Variants in AFF4 observed in about 807,000 individuals in gnomAD.
The protein encoded by AFF4 is AF4/FMR2 family member 4.
Under a neutral mutation model 124.8 loss-of-function variants are expected in AFF4, and 13 were observed. That is an observed-to-expected ratio of 0.10 (90% CI 0.07 to 0.17). AFF4 has a LOEUF of 0.17. AFF4 is among the 10% of genes least tolerant of loss of function. The pLI, the probability that AFF4 is intolerant of heterozygous loss-of-function variation, is 1.00. For missense variants in AFF4, 1,092 were observed against 1,403.8 expected (o/e 0.78, Z 3.55); for synonymous variants, 477 against 496.1 (o/e 0.96, Z 0.51).
chr5:132,947,778 C>T (rs2150108446), intron 1 of AFF4, among the ~76,000 whole-genome samples: 1 of 152,256 alleles, frequency 6.6e-6, no homozygotes, highest in East Asian at 1.9e-4. Flanking sequence ...TCACTTCCTA[C>T]AAGTCAGGGA....
intron 13 of AFF4, among the ~76,000 whole-genome samples, chr5:132,891,147 G>A (rs1386671053): frequency 6.6e-6 from 1 of 151,974 alleles, no homozygotes. Context: ...ATGGAGAACT[G>A]GAGCAATAAA....
At chr5:132,900,541 C>A (rs1459254751) in intron 7 of AFF4, among the ~76,000 whole-genome samples, 1 of 152,066 alleles carries the variant, frequency 6.6e-6, no homozygotes, top group Non-Finnish European at 1.5e-5. Flanking sequence ...GCCTAGGCGA[C>A]AGAGCGAGAC....
intron 5 of AFF4, among the ~76,000 whole-genome samples, chr5:132,919,342 G>A (rs974821303): frequency 6.6e-6 from 1 of 152,146 alleles, no homozygotes; most frequent in African/African-American, 2.4e-5. Context: ...AGACAAACAG[G>A]TTAATGAAAC....
At chr5:132,940,238 G>A (rs993434988) in intron 1 of AFF4, among the ~76,000 whole-genome samples, 4 of 151,010 alleles carry the variant, frequency 2.6e-5, no homozygotes, top group Middle Eastern at 3.2e-3. Context: ...GGTGGCTCAC[G>A]CCTGTAATCC....
At chr5:132,926,256 G>A (rs1761168962) in intron 5 of AFF4, 1 of 472,952 alleles carries the variant, frequency 2.1e-6, no homozygotes, top group Non-Finnish European at 4.2e-6. Flanking sequence ...GGACGGAATT[G>A]GGGAAAGGCT....
At chr5:132,960,249 C>T (rs1348789364) in intron 1 of AFF4, among the ~76,000 whole-genome samples, 1 of 152,048 alleles carries the variant, frequency 6.6e-6, no homozygotes, top group East Asian at 1.9e-4. Flanking sequence ...AATAAGGATG[C>T]AGGAGAGCTG....
chr5:132,948,631 G>C (rs1761756309), intron 1 of AFF4: 1 of 169,700 alleles, frequency 5.9e-6, no homozygotes, highest in Admixed American at 5.8e-5. Context: ...TCTTTTGGCT[G>C]ATTGCAATTT....
intron 5 of AFF4, among the ~76,000 whole-genome samples, chr5:132,904,976 G>A (rs1253813025): frequency 1.3e-5 from 2 of 151,168 alleles, no homozygotes; most frequent in African/African-American, 2.4e-5. Flanking sequence ...TTGAACCCTG[G>A]GAGGCGGAGG....
chr5:132,914,593 T>TC (rs1382916641), intron 5 of AFF4, among the ~76,000 whole-genome samples: 2 of 148,032 alleles, frequency 1.4e-5, no homozygotes, highest in Non-Finnish European at 3.0e-5. Context: ...AGAGCAAGAC[T>TC]CCATTTCAAA....
intron 5 of AFF4, among the ~76,000 whole-genome samples, chr5:132,914,361 G>C (rs561142371): frequency 1.6e-4 from 24 of 152,152 alleles, no homozygotes; most frequent in African/African-American, 5.1e-4. Flanking sequence ...CCAGCATTTT[G>C]GGAGGCTGAG....
chr5:132,914,531 G>A (rs1760865085), intron 5 of AFF4, among the ~76,000 whole-genome samples: 1 of 151,742 alleles, frequency 6.6e-6, no homozygotes, highest in Non-Finnish European at 1.5e-5. Flanking sequence ...AACCCGGAAG[G>A]TGGAGGTTGC....
At chr5:132,954,872 T>C (rs1761919456) in intron 1 of AFF4, among the ~76,000 whole-genome samples, 1 of 152,210 alleles carries the variant, frequency 6.6e-6, no homozygotes, top group Non-Finnish European at 1.5e-5. Flanking sequence ...TATCATTTGC[T>C]GTCCACGGAT....
chr5:132,951,227 A>T (rs1761836084), intron 1 of AFF4, among the ~76,000 whole-genome samples: 1 of 152,060 alleles, frequency 6.6e-6, no homozygotes. Flanking sequence ...CCGTCTCAAA[A>T]AAAAAAAAAA....
intron 11 of AFF4, among the ~76,000 whole-genome samples, chr5:132,895,163 C>A (rs1760357676): frequency 6.6e-6 from 1 of 152,020 alleles, no homozygotes; most frequent in African/African-American, 2.4e-5. Flanking sequence ...GCCAGCAGCC[C>A]TAAACAGCTT....
At chr5:132,889,797 CAT>C (rs989192351) in intron 13 of AFF4, among the ~76,000 whole-genome samples, 4 of 151,956 alleles carry the variant, frequency 2.6e-5, no homozygotes, top group Admixed American at 6.6e-5. Flanking sequence ...CTCTCATCCA[CAT>C]GTCTTTTTTT....
intron 11 of AFF4, among the ~76,000 whole-genome samples, chr5:132,895,723 C>T (rs1041796733): frequency 5.3e-5 from 8 of 152,218 alleles, no homozygotes; most frequent in Non-Finnish European, 1.2e-4. Context: ...CAATCACAGA[C>T]ATGCGTGAGT....
chr5:132,903,536 A>G (rs994535634), intron 6 of AFF4, among the ~76,000 whole-genome samples: 2 of 151,696 alleles, frequency 1.3e-5, no homozygotes, highest in Non-Finnish European at 2.9e-5. Context: ...ACCACTCTCA[A>G]TCTACACAAC....
chr5:132,903,423 A>T (rs1018139595), intron 6 of AFF4, among the ~76,000 whole-genome samples: 1 of 152,320 alleles, frequency 6.6e-6, no homozygotes, highest in East Asian at 1.9e-4. Flanking sequence ...GACTAGTACA[A>T]ATCTACCTTA....
rs1759853731 is a variant in AFF4, at chr5:132,876,981, TG to T, written c.*4077del. On this transcript the variant is annotated 3_prime_UTR_variant, in exon 21 of 21. Coordinates refer to ENST00000265343, the MANE Select transcript of AFF4 (RefSeq NM_014423.4). ...AGTTTTACTGAATAGCAACCTTAGA[TG>T]TACAGTATTATTACTGGAAAAAAAG... The T allele has an allele frequency of 5.1e-6, 1 of 197,340 alleles. No individual in the cohort carries two copies. The highest frequency in any genetic ancestry group is 8.0e-5 in the East Asian group (1 of 12,526). The allele number at this position is 197,340 out of a possible 1,614,324, so 12.2% of individuals were successfully genotyped here.
Sources: gnomAD v4.1 joint callset for allele counts (sites outside exome capture counted in the v4.1 genomes callset) on GRCh38, gnomAD v4.1.1 for gene constraint, MANE v1.5 for transcripts, NCBI Gene and HGNC (gene_info 2026-07-23, HGNC 2026-07-21) for gene names.